Variants in FSTL4 observed in about 807,000 individuals in gnomAD.
FSTL4 encodes follistatin-related protein 4.
Under a neutral mutation model 78.2 loss-of-function variants are expected in FSTL4, and 28 were observed. The observed-to-expected ratio is 0.36, with a 90% CI of 0.27 to 0.49. The LOEUF (loss-of-function observed/expected upper bound fraction) is 0.49. Ranked by LOEUF, FSTL4 falls within the 20% of genes least tolerant of loss-of-function variation. The probability of loss-of-function intolerance (pLI) is 0.98; values close to 1 mark genes in which losing one functional copy is unlikely to be tolerated. For missense variants in FSTL4, 922 were observed against 1,084.9 expected (o/e 0.85, Z 2.11); for synonymous variants, 422 against 440.5 (o/e 0.96, Z 0.53).
chr5:133,707,967 G>C, the FSTL4 span, among the ~76,000 whole-genome samples: 1 of 151,984 alleles, frequency 6.6e-6, no homozygotes, highest in Non-Finnish European at 1.5e-5. Context: ...TAATTACCAG[G>C]TTAGAAATTC....
intron 13 of FSTL4, among the ~76,000 whole-genome samples, chr5:133,212,434 TA>T (rs1466464977): frequency 6.6e-6 from 1 of 152,224 alleles, no homozygotes; most frequent in Non-Finnish European, 1.5e-5. Flanking sequence ...GCCCCAGGAT[TA>T]GGGGCAAATC....
chr5:133,460,614 GA>G (rs767729959), intron 3 of FSTL4, among the ~76,000 whole-genome samples: 23 of 152,282 alleles, frequency 1.5e-4, no homozygotes, highest in South Asian at 1.5e-3. Context: ...AAAAAAAGTC[GA>G]CTTTCCAGTG....
At chr5:133,760,320 C>G in the FSTL4 span, among the ~76,000 whole-genome samples, 2 of 152,286 alleles carry the variant, frequency 1.3e-5, no homozygotes, top group Non-Finnish European at 2.9e-5. Context: ...TTATGTGGTT[C>G]CTGGAAAGGG....
the FSTL4 span, among the ~76,000 whole-genome samples, chr5:133,655,205 C>T: frequency 6.6e-6 from 1 of 152,196 alleles, no homozygotes; most frequent in Admixed American, 6.5e-5. Flanking sequence ...CTCCTATCAG[C>T]CTTTCTCTTC....
intron 4 of FSTL4, among the ~76,000 whole-genome samples, chr5:133,323,235 C>T (rs1030278086): frequency 6.6e-6 from 1 of 152,192 alleles, no homozygotes; most frequent in Admixed American, 6.5e-5. Context: ...TTAGGAAAGG[C>T]ATTCACTCCC....
chr5:133,352,204 C>T (rs947469158), intron 4 of FSTL4, among the ~76,000 whole-genome samples: 7 of 150,888 alleles, frequency 4.6e-5, no homozygotes, highest in Admixed American at 3.3e-4. Flanking sequence ...GCCACCCCTC[C>T]CCATTAGTCC....
intron 3 of FSTL4, among the ~76,000 whole-genome samples, chr5:133,417,727 G>A (rs540425089): frequency 4.6e-5 from 7 of 152,156 alleles, no homozygotes; most frequent in African/African-American, 1.7e-4. Flanking sequence ...GGAGGCTGAG[G>A]CAGGTGGATC....
chr5:133,761,968 T>C, the FSTL4 span, among the ~76,000 whole-genome samples: 1 of 152,172 alleles, frequency 6.6e-6, no homozygotes. Flanking sequence ...TGTGGAAACA[T>C]CTGAGGATTT....
chr5:133,572,326 G>A (rs895485934), intron 2 of FSTL4, among the ~76,000 whole-genome samples: 9 of 152,004 alleles, frequency 5.9e-5, no homozygotes, highest in African/African-American at 1.9e-4. Context: ...TTGCTATACA[G>A]GTAAACTGCA....
chr5:133,538,981 T>A (rs944642926), intron 3 of FSTL4, among the ~76,000 whole-genome samples: 5 of 152,140 alleles, frequency 3.3e-5, no homozygotes, highest in Admixed American at 3.3e-4. Flanking sequence ...TCACTTGGGC[T>A]CCTTCACAAG....
intron 12 of FSTL4, 112 bp downstream of exon 12, chr5:133,220,636 C>G: frequency 2.8e-6 from 2 of 725,138 alleles, no homozygotes; most frequent in Non-Finnish European, 5.0e-6. Flanking sequence ...TGGAACCACA[C>G]CACATATAGC....
intron 3 of FSTL4, among the ~76,000 whole-genome samples, chr5:133,528,007 G>T (rs1445711622): frequency 1.3e-5 from 2 of 152,198 alleles, no homozygotes; most frequent in African/African-American, 2.4e-5. Flanking sequence ...GGTGAACCTG[G>T]TCATCAGGGT....
At chr5:133,552,380 C>G (rs892735619) in intron 3 of FSTL4, among the ~76,000 whole-genome samples, 1 of 152,172 alleles carries the variant, frequency 6.6e-6, no homozygotes, top group Non-Finnish European at 1.5e-5. Flanking sequence ...GTGGTGAGGA[C>G]TGTGGAAAAG....
the FSTL4 span, among the ~76,000 whole-genome samples, chr5:133,742,551 G>C: frequency 6.6e-6 from 1 of 152,086 alleles, no homozygotes; most frequent in African/African-American, 2.4e-5. Flanking sequence ...CACCAAGTTG[G>C]TAATACAGAG....
the FSTL4 span, among the ~76,000 whole-genome samples, chr5:133,778,952 G>A: frequency 6.6e-6 from 1 of 152,212 alleles, no homozygotes; most frequent in Non-Finnish European, 1.5e-5. Flanking sequence ...TGGTAAAAAG[G>A]CACCAACAAG....
intron 4 of FSTL4, among the ~76,000 whole-genome samples, chr5:133,339,056 G>A (rs1264445215): frequency 6.6e-6 from 1 of 152,138 alleles, no homozygotes; most frequent in Admixed American, 6.5e-5. Flanking sequence ...GACTTGCCCT[G>A]TTATGTCTCC....
At chr5:133,431,529 A>C (rs1756938569) in intron 3 of FSTL4, among the ~76,000 whole-genome samples, 1 of 152,180 alleles carries the variant, frequency 6.6e-6, no homozygotes, top group South Asian at 2.1e-4. Context: ...AGTATAGCTA[A>C]GCCCAGCCTT....
At chr5:133,260,458 G>A (rs928007297) in intron 6 of FSTL4, among the ~76,000 whole-genome samples, 9 of 152,222 alleles carry the variant, frequency 5.9e-5, no homozygotes, top group African/African-American at 1.2e-4. Flanking sequence ...TTTCCTGAGC[G>A]TGCCACAGTG....
the FSTL4 span, among the ~76,000 whole-genome samples, chr5:133,771,078 C>T: frequency 6.6e-6 from 1 of 152,012 alleles, no homozygotes; most frequent in Admixed American, 6.6e-5. Context: ...TTCCATTGAT[C>T]CATGTGTCTG....
Sources: allele counts gnomAD v4.1 joint callset (sites outside exome capture counted in the v4.1 genomes callset), GRCh38; gene constraint gnomAD v4.1.1; transcripts MANE v1.5; gene names NCBI Gene and HGNC (gene_info 2026-07-23, HGNC 2026-07-21).